Variants in TRABD2B observed in about 807,000 individuals in gnomAD.
TRABD2B encodes TraB domain containing 2B, also known as metalloprotease TIKI2.
TRABD2B carries 14 observed loss-of-function variants against 40.1 expected under a neutral mutation model. The ratio of observed to expected loss-of-function variants is 0.35; its 90% CI spans 0.23 to 0.55. The LOEUF is 0.55. Among genes scored for constraint, TRABD2B ranks in the 20% least tolerant of loss-of-function variants. The pLI, the probability that TRABD2B is intolerant of heterozygous loss-of-function variation, is 0.90. For missense variants in TRABD2B, 541 were observed against 648.6 expected (o/e 0.83, Z 1.80); for synonymous variants, 263 against 277.0 (o/e 0.95, Z 0.50).
intron 2 of TRABD2B, chr1:47,820,367 C>T (rs1235515032): frequency 1.3e-5 from 2 of 152,260 alleles, no homozygotes; most frequent in East Asian, 3.9e-4. Flanking sequence ...GTGGTGCTTA[C>T]ACAGCAAGTG....
chr1:47,986,103 A>G (rs1183451448), intron 2 of TRABD2B, among the ~76,000 whole-genome samples: 1 of 152,212 alleles, frequency 6.6e-6, no homozygotes, highest in African/African-American at 2.4e-5. Context: ...GAGCCTGGAG[A>G]AGATCATGTG....
chr1:47,858,176 C>T (rs1643914887), intron 2 of TRABD2B, among the ~76,000 whole-genome samples: 1 of 151,732 alleles, frequency 6.6e-6, no homozygotes, highest in Admixed American at 6.6e-5. Context: ...CAAGGGGCAA[C>T]TACAATAGTC....
chr1:47,972,723 C>G (rs1645699133), intron 2 of TRABD2B, among the ~76,000 whole-genome samples: 1 of 152,164 alleles, frequency 6.6e-6, no homozygotes, highest in Non-Finnish European at 1.5e-5. Context: ...AAGACAAGCA[C>G]CAATTTTTGA....
At chr1:47,991,383 A>T (rs1646009175) in intron 2 of TRABD2B, among the ~76,000 whole-genome samples, 1 of 152,150 alleles carries the variant, frequency 6.6e-6, no homozygotes, top group African/African-American at 2.4e-5. Context: ...TCAGTGTCTT[A>T]TTTCACAGAC....
intron 2 of TRABD2B, among the ~76,000 whole-genome samples, chr1:47,906,658 G>A (rs1413814363): frequency 6.6e-6 from 1 of 152,250 alleles, no homozygotes; most frequent in East Asian, 1.9e-4. Context: ...GCTGGAGGCT[G>A]TCAGCCGGCT....
At chr1:47,826,564 A>AT (rs1053832943) in intron 2 of TRABD2B, among the ~76,000 whole-genome samples, 9 of 151,916 alleles carry the variant, frequency 5.9e-5, no homozygotes, top group Non-Finnish European at 1.3e-4. Context: ...TCTAGGAGCC[A>AT]TTTTTTTGGT....
intron 2 of TRABD2B, among the ~76,000 whole-genome samples, chr1:47,849,739 C>T (rs956269314): frequency 2.6e-5 from 4 of 152,156 alleles, no homozygotes; most frequent in East Asian, 1.9e-4. Context: ...GGATGGGGTG[C>T]GGGAGGGAGG....
chr1:47,895,164 AG>A (rs964558933), intron 2 of TRABD2B, among the ~76,000 whole-genome samples: 2 of 152,100 alleles, frequency 1.3e-5, no homozygotes, highest in African/African-American at 4.8e-5. Flanking sequence ...GGCCACAGGG[AG>A]GAAGACCTGA....
intron 2 of TRABD2B, among the ~76,000 whole-genome samples, chr1:47,817,409 G>T (rs548688072): frequency 1.3e-5 from 2 of 152,076 alleles, no homozygotes; most frequent in South Asian, 4.2e-4. Flanking sequence ...GTGCGTCCAG[G>T]GGTCCTCAGC....
chr1:47,965,198 G>A (rs1261646528), intron 2 of TRABD2B, among the ~76,000 whole-genome samples: 1 of 108,880 alleles, frequency 9.2e-6, no homozygotes, highest in African/African-American at 3.7e-5. Flanking sequence ...ATTTGGCGGG[G>A]GGCGGGGGGG....
chr1:47,906,475 G>A (rs137951537), intron 2 of TRABD2B, among the ~76,000 whole-genome samples: 1 of 152,222 alleles, frequency 6.6e-6, no homozygotes, highest in Non-Finnish European at 1.5e-5. Context: ...GCCTTTCTGA[G>A]AACCCAGGAA....
At chr1:47,879,167 C>T (rs974832776) in intron 2 of TRABD2B, among the ~76,000 whole-genome samples, 8 of 151,296 alleles carry the variant, frequency 5.3e-5, no homozygotes, top group African/African-American at 1.9e-4. Flanking sequence ...GGAAGCATTA[C>T]GATAAAAAGT....
chr1:47,831,859 T>C (rs1336376398), intron 2 of TRABD2B, among the ~76,000 whole-genome samples: 1 of 152,156 alleles, frequency 6.6e-6, no homozygotes, highest in Non-Finnish European at 1.5e-5. Context: ...TCGTCGCTCA[T>C]CCTTTACTTG....
At chr1:47,917,554 C>T (rs59677660) in intron 2 of TRABD2B, among the ~76,000 whole-genome samples, 3,185 of 151,416 alleles carry the variant, frequency 0.021, 52 homozygotes, top group South Asian at 0.06. Flanking sequence ...GGCCTTGTGT[C>T]TATAAAAAAT....
intron 2 of TRABD2B, among the ~76,000 whole-genome samples, chr1:47,908,311 TA>T (rs1644705458): frequency 6.6e-6 from 1 of 152,210 alleles, no homozygotes; most frequent in Admixed American, 6.5e-5. Flanking sequence ...TGGAATTTTA[TA>T]ATTTTTTTGT....
rs191096988 is a variant in TRABD2B, at chr1:47,951,149, C to T, written c.666+42885G>A. ...GCGTCGACTCTCCTTTCCTCCCCAG[C>T]GCCAAGCCAAGCGGGCAGCAGCAGG... is the stretch of plus-strand genomic sequence containing the variant. On this transcript the variant is annotated intron_variant, in intron 2 of 6. Coordinates refer to ENST00000606738, the MANE Select transcript of TRABD2B (RefSeq NM_001194986.2). Among the ~76,000 whole-genome samples the T allele has an allele frequency of 6.6e-5, 10 of 152,306 alleles. No homozygotes were observed. In the East Asian group the frequency reaches 1.7e-3, roughly 27 times the overall value.
intron 2 of TRABD2B, among the ~76,000 whole-genome samples, chr1:47,965,972 C>G (rs563566253): frequency 6.6e-6 from 1 of 152,268 alleles, no homozygotes; most frequent in South Asian, 2.1e-4. Context: ...GGGGAAATAA[C>G]CTAAACAAAC....
chr1:47,959,764 G>C (rs1645482132), intron 2 of TRABD2B, among the ~76,000 whole-genome samples: 1 of 152,084 alleles, frequency 6.6e-6, no homozygotes, highest in Admixed American at 6.5e-5. Context: ...TAGATTCACA[G>C]CCCAATTCTA....
chr1:47,920,226 T>A (rs1183418220), intron 2 of TRABD2B, among the ~76,000 whole-genome samples: 2 of 152,196 alleles, frequency 1.3e-5, no homozygotes, highest in African/African-American at 4.8e-5. Flanking sequence ...ATTATTCTTG[T>A]ACAGTGAAGG....
Sources: allele counts gnomAD v4.1 joint callset (sites outside exome capture counted in the v4.1 genomes callset), GRCh38; gene constraint gnomAD v4.1.1; transcripts MANE v1.5; gene names NCBI Gene and HGNC (gene_info 2026-07-23, HGNC 2026-07-21).